OPRK1: variants seen among roughly 807,000 people sequenced by gnomAD.
OPRK1 encodes the protein kappa-type opioid receptor.
A neutral mutation model predicts 24.5 loss-of-function variants in OPRK1; 15 were observed. The ratio of observed to expected loss-of-function variants is 0.61; its 90% CI spans 0.41 to 0.94. The LOEUF (loss-of-function observed/expected upper bound fraction) is 0.94. OPRK1 is among the 40% of genes least tolerant of loss of function. The probability of loss-of-function intolerance (pLI) is 0.00; values close to 1 mark genes in which losing one functional copy is unlikely to be tolerated. For synonymous variants in OPRK1, 205 were observed against 198.0 expected (o/e 1.04, Z -0.30); for missense variants, 479 against 507.3 (o/e 0.94, Z 0.54).
At chr8:53,250,069 CCACA>C (rs369426050) in intron 2 of OPRK1, among the ~76,000 whole-genome samples, 8,368 of 130,456 alleles carry the variant, frequency 0.064, 253 homozygotes, top group Middle Eastern at 0.13. Context: ...GAAGAAATTT[CCACA>C]CACACACACA....
In OPRK1 at chr8:53,250,226, T is replaced by A. The variant is rs149307030; in HGVS notation, c.257+555A>T. Among the ~76,000 whole-genome samples, 1,219 of 152,298 alleles carry A rather than the reference T, an allele frequency of 8.0e-3. 13 individuals are homozygous for A. Among genetic ancestry groups the A allele is most frequent in the Admixed American group, 0.013 (202 of 15,306 alleles). The stretch of plus-strand genomic sequence containing the variant: ...TCCTAACAAATGGGATGCCATTTGA[T>A]ACTAAAAAGGCTCATATATGCATAT... On this transcript the variant is annotated intron_variant, in intron 2 of 3. Coordinates refer to ENST00000265572, the MANE Select transcript of OPRK1 (RefSeq NM_000912.5).
At chr8:53,250,682 C>T in intron 2 of OPRK1, 99 bp downstream of exon 2, 1 of 1,277,670 alleles carries the variant, frequency 7.8e-7, no homozygotes, top group Non-Finnish European at 1.1e-6. Flanking sequence ...AGAGTCCCCA[C>T]CACCTGGCTG....
At chr8:53,248,871 G>A (rs1807300864) in intron 2 of OPRK1, among the ~76,000 whole-genome samples, 1 of 152,166 alleles carries the variant, frequency 6.6e-6, no homozygotes, top group Non-Finnish European at 1.5e-5. Flanking sequence ...TGGGAGGTGG[G>A]AGAATGGAGA....
chr8:53,242,212 C>T (rs1232817512), intron 2 of OPRK1, among the ~76,000 whole-genome samples: 5 of 152,192 alleles, frequency 3.3e-5, no homozygotes, highest in Non-Finnish European at 5.9e-5. Context: ...CTTGCGCTGC[C>T]CTCTACCCAT....
chr8:53,229,494 T>C lies in OPRK1; in HGVS notation c.946A>G (p.Ile316Val), dbSNP rs1353238678. ...CTACTGTTGGTATAGCCTAAGGCGA[T>C]GCAGAAGTAATAGCTGGAGAGAGCA... is the stretch of plus-strand genomic sequence containing the variant. The part of the protein sequence containing the change: ...TAALSSYYFC[I>V]ALGYTNSSLN... Residue 316 changes from isoleucine (I) to valine (V), a missense_variant, in exon 4 of 4, where the codon ATC (isoleucine) becomes GTC (valine). Ile to Val is a conservative substitution (Grantham distance 29, BLOSUM62 3). Transcript: ENST00000265572. 1.2e-6 allele frequency: 2 copies of C among 1,614,106 alleles called. No homozygotes were observed. The highest frequency in any genetic ancestry group is 1.7e-5 in the Admixed American group (1 of 60,004).
In OPRK1 at chr8:53,251,569, G is replaced by C. The variant is rs200970298; in HGVS notation, c.-170C>G. On this transcript the variant is annotated 5_prime_UTR_variant, in exon 1 of 4. Transcript: ENST00000265572. ...TCACCTGCTCTCGGACCCCGGCCCCGCTCTCCGCCCGAGGGCTGCTGTTCC... is the reference window on the plus strand; with the variant it reads ...TCACCTGCTCTCGGACCCCGGCCCCCCTCTCCGCCCGAGGGCTGCTGTTCC... 1 of 152,490 alleles carries C rather than the reference G, an allele frequency of 6.6e-6. No homozygotes were observed. The highest frequency in any genetic ancestry group is 1.5e-5 in the Non-Finnish European group (1 of 68,284). The allele number at this position is 152,490 out of a possible 1,614,324, so 9.4% of individuals were successfully genotyped here. A position where few individuals can be genotyped will look rare whatever the true frequency, so the allele number is the denominator to read the frequency against.
rs1806800865 is a variant in OPRK1, at chr8:53,229,560, T to A, written c.880A>T (p.Ile294Phe). 6.2e-7 allele frequency: 1 copy of A among 1,613,916 alleles called. No individual in the cohort carries two copies. The highest frequency in any genetic ancestry group is 1.7e-5 in the Admixed American group (1 of 59,990). The change falls in exon 4 of 4, where the codon ATC becomes TTC. Residue 294 changes from isoleucine to phenylalanine, a missense_variant. Transcript: ENST00000265572. Reference sequence around the variant, plus strand: ...GTGCTCCCCAGAGCCTCCACCAGGATGAATATGTGAATGGGAGTCCAGCAG... The same window carrying A: ...GTGCTCCCCAGAGCCTCCACCAGGAAGAATATGTGAATGGGAGTCCAGCAG... ...VVCWTPIHIFILVEALGSTSH... is the reference protein window; with the variant it reads ...VVCWTPIHIFFLVEALGSTSH...
rs1229013194 is a variant in OPRK1 at position 53,229,672 on chromosome 8, G to A, written c.768C>T (p.Val256=). 1 of 1,614,128 alleles carries A rather than the reference G, an allele frequency of 6.2e-7. No homozygotes were observed. Among genetic ancestry groups the A allele is most frequent in the Non-Finnish European group, 8.5e-7 (1 of 1,180,022 alleles). ...YTLMILRLKS[V]RLLSGSREKD... ...TCTCTCGGGAGCCAGAAAGGAGCCG[G>A]ACGCTCTTGAGACGCAGGATCATCA... The change falls in exon 4 of 4, where the codon GTC becomes GTT. Residue 256 remains valine (V), a synonymous_variant. Coordinates refer to ENST00000265572, the MANE Select transcript of OPRK1 (RefSeq NM_000912.5).
chr8:53,233,100 C>T (rs1427187033), intron 3 of OPRK1, among the ~76,000 whole-genome samples: 1 of 152,168 alleles, frequency 6.6e-6, no homozygotes, highest in East Asian at 1.9e-4. Context: ...TAGCTTGACA[C>T]CTGCTATGGC....
chr8:53,251,389 T>G, intron 1 of OPRK1, 59 bp downstream of exon 1: 1 of 336,548 alleles, frequency 3.0e-6, no homozygotes. Context: ...TCAAGCCCCC[T>G]TCCCACCTCC....
chr8:53,237,964 A>C (rs1371541990), intron 2 of OPRK1, among the ~76,000 whole-genome samples: 1 of 152,160 alleles, frequency 6.6e-6, no homozygotes, highest in Non-Finnish European at 1.5e-5. Flanking sequence ...ATGCTTATAA[A>C]CCTACAACAC....
chr8:53,235,018 C>T lies in OPRK1; in HGVS notation c.351G>A (p.Thr117=), dbSNP rs201981295. ...LVTTTMPFQS[T]VYLMNSWPFG... is the part of the protein sequence containing the mutation. ...AAGGCCAGGAATTCATCAAGTAGAC[C>T]GTACTCTGAAAGGGCATGGTTGTAG... Residue 117 remains threonine, a synonymous_variant, in exon 3 of 4, where the codon ACG becomes ACA. Transcript: ENST00000265572. 80 of 1,614,130 alleles carry T rather than the reference C, an allele frequency of 5.0e-5. No homozygotes were observed. The Admixed American group carries it at 8.7e-4, about 17-fold the overall frequency.
rs7843295 is a variant in OPRK1 at position 53,228,838 on chromosome 8, G to A, written c.*459C>T. The A allele has an allele frequency of 0.013, 2,018 of 160,332 alleles. 25 individuals carry two copies. Among genetic ancestry groups the A allele is most frequent in the Non-Finnish European group, 0.019 (1,361 of 72,778 alleles). The allele number at this position is 160,332 out of a possible 1,614,324, so 9.9% of individuals were successfully genotyped here. A position where few individuals can be genotyped will look rare whatever the true frequency, so the allele number is the denominator to read the frequency against. On this transcript the variant is annotated 3_prime_UTR_variant, in exon 4 of 4. Coordinates refer to ENST00000265572, the MANE Select transcript of OPRK1 (RefSeq NM_000912.5). ...TACAGTGAGCTGGGCATGAACCCTG[G>A]AAATAGTTCCCATTCCGTTGGAGGT... is the stretch of plus-strand genomic sequence containing the variant.
intron 2 of OPRK1, among the ~76,000 whole-genome samples, chr8:53,246,229 C>T (rs1006728672): frequency 2.0e-5 from 3 of 152,120 alleles, no homozygotes; most frequent in Non-Finnish European, 4.4e-5. Flanking sequence ...GACCTAAGGT[C>T]ACCCAAGCAT....
chr8:53,234,936 T>C lies in OPRK1; in HGVS notation c.433A>G (p.Ser145Gly). ...CTCATCATGGTCAAGGTGAAGATGC[T>C]GGTGAACATGTTGTAGTAATCAATG... ...ISIDYYNMFTSIFTLTMMSVD... is the reference protein window; with the variant it reads ...ISIDYYNMFTGIFTLTMMSVD... Residue 145 changes from serine (S) to glycine (G), a missense_variant, in exon 3 of 4, where the codon AGC becomes GGC. Coordinates refer to ENST00000265572, the MANE Select transcript of OPRK1 (RefSeq NM_000912.5). 1.2e-6 allele frequency: 2 copies of C among 1,614,226 alleles called. No individual in the cohort carries two copies. Among genetic ancestry groups the C allele is most frequent in the Non-Finnish European group, 1.7e-6 (2 of 1,180,042 alleles).
At chr8:53,234,656 G>T (rs1806943834) in intron 3 of OPRK1, 103 bp downstream of exon 3, 2 of 1,004,696 alleles carry the variant, frequency 2.0e-6, no homozygotes, top group Non-Finnish European at 3.0e-6. Context: ...GTCGTCTTTT[G>T]GCATCGATTT....
rs952773877 is a variant in OPRK1, at chr8:53,235,670, A to G, written c.258-559T>C. 4.6e-5 allele frequency among the ~76,000 whole-genome samples: 7 copies of G among 152,342 alleles called. No homozygotes were observed. The South Asian group carries it at 1.0e-3, about 23-fold the overall frequency. On this transcript the variant is annotated intron_variant, in intron 2 of 3. Transcript: ENST00000265572. The stretch of plus-strand genomic sequence containing the variant: ...TTCTCCAGTGCACCATTAATTTGTC[A>G]TTTTAAATATATTATATAAATAAAG...
chr8:53,246,566 T>C (rs1052202947), intron 2 of OPRK1, among the ~76,000 whole-genome samples: 5 of 151,496 alleles, frequency 3.3e-5, no homozygotes, highest in African/African-American at 1.2e-4. Flanking sequence ...GCAGACACAG[T>C]AGAAAGGAGA....
At chr8:53,244,645 C>T (rs915802994) in intron 2 of OPRK1, among the ~76,000 whole-genome samples, 2 of 152,172 alleles carry the variant, frequency 1.3e-5, no homozygotes, top group African/African-American at 4.8e-5. Context: ...CTGATTCCTC[C>T]TATTTTTTCT....
Sources: gnomAD v4.1 joint callset for allele counts (sites outside exome capture counted in the v4.1 genomes callset) on GRCh38, gnomAD v4.1.1 for gene constraint, MANE v1.5 for transcripts, NCBI Gene and HGNC (gene_info 2026-07-23, HGNC 2026-07-21) for gene names.